TCF20: variants seen among roughly 807,000 people sequenced by gnomAD.
The protein encoded by TCF20 is transcription factor 20.
TCF20 carries 3 observed loss-of-function variants against 148.6 expected under a neutral mutation model. That is an observed-to-expected ratio of 0.02 (90% CI 0.01 to 0.05). The LOEUF (loss-of-function observed/expected upper bound fraction) is 0.05. TCF20 is among the 10% of genes least tolerant of loss of function. The pLI, the probability that TCF20 is intolerant of heterozygous loss-of-function variation, is 1.00. For synonymous variants in TCF20, 1,049 were observed against 909.5 expected (o/e 1.15, Z -2.76); for missense variants, 2,350 against 2,429.3 (o/e 0.97, Z 0.69).
intron 1 of TCF20, among the ~76,000 whole-genome samples, chr22:42,259,604 T>C (rs1407936603): frequency 2.6e-5 from 4 of 152,140 alleles, no homozygotes; most frequent in African/African-American, 4.8e-5. Flanking sequence ...GCTTCCTCAG[T>C]TGTTTTCTAT....
At chr22:42,310,089 G>A (rs2147040826) in intron 1 of TCF20, among the ~76,000 whole-genome samples, 1 of 152,334 alleles carries the variant, frequency 6.6e-6, no homozygotes, top group Admixed American at 6.5e-5. Flanking sequence ...TGAAGGATGT[G>A]TAGGAGTTTA....
At chr22:42,333,900 T>C (rs987516103) in intron 1 of TCF20, among the ~76,000 whole-genome samples, 7 of 152,182 alleles carry the variant, frequency 4.6e-5, no homozygotes, top group Non-Finnish European at 7.4e-5. Context: ...CACAGGACCA[T>C]AGGCACAAGC....
At chr22:42,245,463 T>TA (rs1924829345) in intron 1 of TCF20, among the ~76,000 whole-genome samples, 1 of 152,192 alleles carries the variant, frequency 6.6e-6, no homozygotes, top group South Asian at 2.1e-4. Context: ...GGGAGGTTTC[T>TA]AACACTAAAT....
intron 1 of TCF20, among the ~76,000 whole-genome samples, chr22:42,333,265 G>A (rs947947701): frequency 6.6e-6 from 1 of 152,194 alleles, no homozygotes; most frequent in Non-Finnish European, 1.5e-5. Context: ...TGTAGACAGT[G>A]GCAGGAGGTG....
At chr22:42,199,131 A>C (rs913897880) in intron 2 of TCF20, among the ~76,000 whole-genome samples, 1 of 152,220 alleles carries the variant, frequency 6.6e-6, no homozygotes, top group African/African-American at 2.4e-5. Flanking sequence ...GCATTCTTCT[A>C]CGAACAGTTC....
At chr22:42,203,511 C>A (rs1331855365) in intron 2 of TCF20, among the ~76,000 whole-genome samples, 2 of 152,082 alleles carry the variant, frequency 1.3e-5, no homozygotes, top group African/African-American at 4.8e-5. Flanking sequence ...TCACTTGATT[C>A]CTTAGAATTT....
Position 42,217,184 on chromosome 22 carries a change from C to G in TCF20, c.-36-1843G>C, listed in dbSNP as rs572939933. The stretch of plus-strand genomic sequence containing the variant: ...GTCTCAAAGGCCCCTGCTCCCACCC[C>G]CTTGACCTCTCTGAGCTCCTCCCCT... On this transcript the variant is annotated intron_variant, in intron 1 of 5. Transcript: ENST00000677622. Among the ~76,000 whole-genome samples the G allele has an allele frequency of 1.1e-4, 16 of 152,308 alleles. No homozygotes were observed. The South Asian group carries it at 3.1e-3, about 30-fold the overall frequency.
intron 1 of TCF20, among the ~76,000 whole-genome samples, chr22:42,227,292 T>C (rs1052964222): frequency 7.2e-5 from 11 of 152,112 alleles, no homozygotes; most frequent in African/African-American, 2.4e-4. Flanking sequence ...AAAATAGTAA[T>C]TTTAAATTAC....
intron 5 of TCF20, among the ~76,000 whole-genome samples, chr22:42,164,928 C>T (rs770960188): frequency 3.9e-5 from 6 of 152,184 alleles, no homozygotes; most frequent in Non-Finnish European, 5.9e-5. Context: ...TGGAGAGTCA[C>T]CTGAGACTTC....
chr22:42,332,495 A>ATTTC (rs1275534473), intron 1 of TCF20, among the ~76,000 whole-genome samples: 5 of 151,852 alleles, frequency 3.3e-5, no homozygotes, highest in Admixed American at 1.3e-4. Context: ...AGTTCAGCCA[A>ATTTC]TTTCTTTCTT....
intron 1 of TCF20, among the ~76,000 whole-genome samples, chr22:42,249,648 G>A (rs919304586): frequency 6.6e-6 from 1 of 152,186 alleles, no homozygotes; most frequent in Admixed American, 6.5e-5. Flanking sequence ...AAAATTTGTG[G>A]ATCACAACCA....
chr22:42,228,138 G>A (rs1923076785), intron 1 of TCF20, among the ~76,000 whole-genome samples: 1 of 152,200 alleles, frequency 6.6e-6, no homozygotes, highest in Admixed American at 6.5e-5. Flanking sequence ...TGGCTGTTTT[G>A]TGGAAAACAG....
intron 1 of TCF20, among the ~76,000 whole-genome samples, chr22:42,309,798 C>T (rs949481606): frequency 2.6e-5 from 4 of 152,200 alleles, no homozygotes; most frequent in Non-Finnish European, 4.4e-5. Flanking sequence ...TTGCTGTCCT[C>T]GTCTGCAGAA....
At chr22:42,246,764 G>A (rs1601655899) in intron 1 of TCF20, among the ~76,000 whole-genome samples, 1 of 151,858 alleles carries the variant, frequency 6.6e-6, no homozygotes. Context: ...TCAGGAGTTT[G>A]AGACCAGCCT....
At chr22:42,269,026 G>A (rs1414194275) in intron 1 of TCF20, among the ~76,000 whole-genome samples, 1 of 152,152 alleles carries the variant, frequency 6.6e-6, no homozygotes, top group Non-Finnish European at 1.5e-5. Flanking sequence ...CTTAACAGAT[G>A]AGAAAATTAC....
upstream of TCF20, among the ~76,000 whole-genome samples, chr22:42,287,829 G>C (rs772718631): frequency 6.6e-6 from 1 of 151,998 alleles, no homozygotes; most frequent in Non-Finnish European, 1.5e-5. Context: ...ATTTCTGGGC[G>C]TGGTGAGTTG....
rs1921301725 is a variant in TCF20 at position 42,213,635 on chromosome 22, G to A, written c.1671C>T (p.Gly557=). Residue 557 remains glycine, a synonymous_variant, in exon 2 of 6, where the codon GGC becomes GGT. Coordinates refer to ENST00000677622, the MANE Select transcript of TCF20 (RefSeq NM_001378418.1). The part of the protein sequence containing the change: ...TYKGGASEKA[G]SSPAQGAQNE... ...TCTGAGCACCTTGTGCCGGTGAGGA[G>A]CCAGCTTTCTCAGAGGCTCCACCCT... 3 of 1,614,122 alleles carry A rather than the reference G, an allele frequency of 1.9e-6. No homozygotes were observed. Among genetic ancestry groups the A allele is most frequent in the Non-Finnish European group, 2.5e-6 (3 of 1,180,042 alleles).
At chr22:42,330,659 T>C (rs1297059245) in intron 1 of TCF20, among the ~76,000 whole-genome samples, 2 of 152,226 alleles carry the variant, frequency 1.3e-5, no homozygotes, top group Non-Finnish European at 2.9e-5. Context: ...ATGACAACTC[T>C]TGACCTTCAG....
chr22:42,204,355 T>C (rs1413363255), intron 2 of TCF20, among the ~76,000 whole-genome samples: 1 of 151,940 alleles, frequency 6.6e-6, no homozygotes, highest in Non-Finnish European at 1.5e-5. Context: ...ATTAGCTGGG[T>C]GTGGTGGCAC....
Sources: allele counts gnomAD v4.1 joint callset (sites outside exome capture counted in the v4.1 genomes callset), GRCh38; gene constraint gnomAD v4.1.1; transcripts MANE v1.5; gene names NCBI Gene and HGNC (gene_info 2026-07-23, HGNC 2026-07-21).